Variants in LMBR1 observed in about 807,000 individuals in gnomAD.
LMBR1 encodes limb development membrane protein 1.
Under a neutral mutation model 73.9 loss-of-function variants are expected in LMBR1, and 52 were observed. The ratio of observed to expected loss-of-function variants is 0.70; its 90% CI spans 0.56 to 0.89. The LOEUF (loss-of-function observed/expected upper bound fraction) is 0.89. Among genes scored for constraint, LMBR1 ranks in the 40% least tolerant of loss-of-function variants. The probability of loss-of-function intolerance (pLI) is 0.00; values close to 1 mark genes in which losing one functional copy is unlikely to be tolerated. For missense variants in LMBR1, 539 were observed against 579.8 expected, an observed-to-expected ratio of 0.93 and a Z score of 0.72; for synonymous variants, 215 against 209.4, an observed-to-expected ratio of 1.03 and a Z score of -0.23.
At chr7:156,808,673 A>G (rs994952637) in intron 4 of LMBR1, among the ~76,000 whole-genome samples, 2 of 152,126 alleles carry the variant, frequency 1.3e-5, no homozygotes, top group African/African-American at 4.8e-5. Flanking sequence ...CCCACAGATT[A>G]AGTATTTTTT....
intron 1 of LMBR1, among the ~76,000 whole-genome samples, chr7:156,852,070 A>G (rs1191551292): frequency 6.6e-6 from 1 of 152,206 alleles, no homozygotes; most frequent in African/African-American, 2.4e-5. Context: ...AATAGCTGCC[A>G]CTTGAGACTT....
At chr7:156,823,625 G>A (rs901284617) in intron 4 of LMBR1, 1 of 152,118 alleles carries the variant, frequency 6.6e-6, no homozygotes, top group Non-Finnish European at 1.5e-5. Context: ...GGGATAAATG[G>A]TTCCACCCTT....
chr7:156,870,055 TAAATATATAAA>T (rs1373310259), intron 1 of LMBR1, among the ~76,000 whole-genome samples: 1 of 152,112 alleles, frequency 6.6e-6, no homozygotes, highest in African/African-American at 2.4e-5. Flanking sequence ...TCAGAGTACA[TAAATATATAAA>T]GCAAACACTG....
At chr7:156,852,468 G>A (rs1306948575) in intron 1 of LMBR1, among the ~76,000 whole-genome samples, 1 of 152,186 alleles carries the variant, frequency 6.6e-6, no homozygotes, top group African/African-American at 2.4e-5. Flanking sequence ...ACTATCTGAT[G>A]CATGCATTAG....
At chr7:156,892,697 G>T in intron 1 of LMBR1, 1 of 324,466 alleles carries the variant, frequency 3.1e-6, no homozygotes, top group Admixed American at 6.2e-5. Context: ...CAAGAGCGGA[G>T]CGGGGGGGCA....
At chr7:156,768,510 A>T (rs1824567546) in intron 5 of LMBR1, among the ~76,000 whole-genome samples, 1 of 152,166 alleles carries the variant, frequency 6.6e-6, no homozygotes, top group Non-Finnish European at 1.5e-5. Flanking sequence ...GGCTGCCACC[A>T]CTCAGTGAAT....
downstream of LMBR1, chr7:156,676,274 A>G: frequency 1.3e-6 from 2 of 1,555,298 alleles, no homozygotes; most frequent in Non-Finnish European, 1.7e-6. Context: ...TATAAATAAA[A>G]TGCATGTGAT....
chr7:156,710,000 G>A (rs1811753040), intron 15 of LMBR1, among the ~76,000 whole-genome samples: 1 of 148,974 alleles, frequency 6.7e-6, no homozygotes, highest in Non-Finnish European at 1.5e-5. Context: ...CACCTCCCGG[G>A]TTCACGCCAT....
chr7:156,878,359 G>A (rs1800535074), intron 1 of LMBR1, among the ~76,000 whole-genome samples: 1 of 152,176 alleles, frequency 6.6e-6, no homozygotes, highest in Admixed American at 6.6e-5. Context: ...GCAGTTTCAG[G>A]ATACAAAATT....
chr7:156,800,779 G>C, intron 4 of LMBR1, among the ~76,000 whole-genome samples: 1 of 152,166 alleles, frequency 6.6e-6, no homozygotes, highest in East Asian at 1.9e-4. Flanking sequence ...GAATATCTGT[G>C]ATTCATGGGA....
At chr7:156,759,250 T>C (rs1822514635) in intron 8 of LMBR1, among the ~76,000 whole-genome samples, 1 of 152,196 alleles carries the variant, frequency 6.6e-6, no homozygotes, top group Non-Finnish European at 1.5e-5. Flanking sequence ...ACAGCTTAAA[T>C]TACCAAAAGA....
At chr7:156,778,541 T>C (rs1344565419) in intron 5 of LMBR1, among the ~76,000 whole-genome samples, 3 of 152,222 alleles carry the variant, frequency 2.0e-5, no homozygotes, top group South Asian at 4.1e-4. Flanking sequence ...ATAAATATGT[T>C]CATTAAATGC....
chr7:156,882,771 G>A (rs1288831482), intron 1 of LMBR1, among the ~76,000 whole-genome samples: 2 of 152,192 alleles, frequency 1.3e-5, no homozygotes, highest in African/African-American at 4.8e-5. Context: ...AGTGGCTCAC[G>A]CCTGTAATCC....
chr7:156,670,895 T>G lies in LMBR1; in HGVS notation n.867-1608A>C, dbSNP rs923678611. Among the ~76,000 whole-genome samples the G allele has an allele frequency of 7.2e-5, 11 of 152,116 alleles. No homozygotes were observed. The highest frequency in any genetic ancestry group is 2.7e-4 in the African/African-American group (11 of 41,426). ...GACGGGAAATCTGAGATGTCAGTGG[T>G]AAAAATGTGAGTAAATCTAATAGAC... On this transcript the variant is annotated intron_variant and non_coding_transcript_variant, in intron 4 of 4. Transcript: ENST00000430825. The surrounding 1 kb of genome is among the most constrained non-coding windows in gnomAD (Gnocchi z 4.3).
intron 1 of LMBR1, among the ~76,000 whole-genome samples, chr7:156,852,942 CTT>C (rs879843032): frequency 1.0e-4 from 15 of 143,896 alleles, no homozygotes; most frequent in Non-Finnish European, 1.2e-4. Flanking sequence ...ACAAATAATG[CTT>C]TTTTTTTTTT....
At chr7:156,778,238 T>C (rs1199899493) in intron 5 of LMBR1, among the ~76,000 whole-genome samples, 1 of 152,232 alleles carries the variant, frequency 6.6e-6, no homozygotes, top group Non-Finnish European at 1.5e-5. Flanking sequence ...TGCTCATTTC[T>C]AGTTATCGAT....
At chr7:156,864,949 T>A (rs1294923741) in intron 1 of LMBR1, among the ~76,000 whole-genome samples, 2 of 146,578 alleles carry the variant, frequency 1.4e-5, no homozygotes, top group East Asian at 4.0e-4. Context: ...TGAGCCGAGG[T>A]CGCGCCATTG....
intron 4 of LMBR1, among the ~76,000 whole-genome samples, chr7:156,814,844 G>A (rs900541299): frequency 4.6e-5 from 7 of 152,056 alleles, no homozygotes; most frequent in African/African-American, 1.4e-4. Flanking sequence ...CCTCTTCCCT[G>A]CCCTGTCTCA....
chr7:156,708,516 C>G (rs1348491964), intron 15 of LMBR1, among the ~76,000 whole-genome samples: 1 of 152,142 alleles, frequency 6.6e-6, no homozygotes, highest in South Asian at 2.1e-4. Flanking sequence ...CCCAGGGAAG[C>G]CATCCCTGAC....
Sources: gnomAD v4.1 joint callset for allele counts (sites outside exome capture counted in the v4.1 genomes callset) on GRCh38, gnomAD v4.1.1 for gene constraint, Gnocchi (gnomAD v3.1) non-coding constraint, MANE v1.5 for transcripts, NCBI Gene and HGNC (gene_info 2026-07-23, HGNC 2026-07-21) for gene names.